ADCY1: variants seen among roughly 807,000 people sequenced by gnomAD.
ADCY1 encodes the protein adenylate cyclase type 1.
ADCY1 carries 28 observed loss-of-function variants against 105.4 expected under a neutral mutation model. That is an observed-to-expected ratio of 0.27 (90% CI 0.20 to 0.36). The LOEUF (loss-of-function observed/expected upper bound fraction) is 0.36, where lower values mean the gene tolerates loss of function less well. Among genes scored for constraint, ADCY1 ranks in the 10% least tolerant of loss-of-function variants. The pLI, the probability that ADCY1 is intolerant of heterozygous loss-of-function variation, is 1.00. For synonymous variants in ADCY1, 655 were observed against 623.8 expected, an observed-to-expected ratio of 1.05 and a Z score of -0.75; for missense variants, 977 against 1,434.2, an observed-to-expected ratio of 0.68 and a Z score of 5.15.
intron 14 of ADCY1, among the ~76,000 whole-genome samples, chr7:45,687,754 C>A (rs1784712832): frequency 6.6e-6 from 1 of 152,198 alleles, no homozygotes; most frequent in African/African-American, 2.4e-5. Context: ...AAGTAACATG[C>A]CAGAGTCGGG....
chr7:45,653,648 G>C (rs1794867309), intron 5 of ADCY1, among the ~76,000 whole-genome samples: 1 of 152,168 alleles, frequency 6.6e-6, no homozygotes, highest in African/African-American at 2.4e-5. Context: ...ACCCCTCCCT[G>C]GGGCCTGGCT....
At chr7:45,695,849 C>A (rs1784870464) in intron 14 of ADCY1, among the ~76,000 whole-genome samples, 1 of 152,230 alleles carries the variant, frequency 6.6e-6, no homozygotes, top group African/African-American at 2.4e-5. Context: ...CAGGCCCTAA[C>A]TTGAGCACAG....
At position 45,719,650 on chromosome 7, in the gene ADCY1, C is replaced by T. The variant is rs915785074; in HGVS notation, c.*5655C>T. ...TGTGTGCCTGCATTACATGTGTGAA[C>T]ACGTGTTTCTGTCGTGTGTGTCATG... On this transcript the variant is annotated 3_prime_UTR_variant, in exon 20 of 20. Transcript: ENST00000297323. The T allele has an allele frequency of 1.3e-5, 2 of 152,216 alleles. No individual in the cohort carries two copies. The highest frequency in any genetic ancestry group is 4.8e-5 in the African/African-American group (2 of 41,456). 9.4% of individuals were successfully genotyped at this position (152,216 alleles called of 1,614,324 possible).
rs2115672940 is a variant in ADCY1 at position 45,574,527 on chromosome 7, C to T, written c.-17C>T. 1 of 976,574 alleles carries T rather than the reference C, an allele frequency of 1.0e-6. No individual in the cohort carries two copies. Among genetic ancestry groups the T allele is most frequent in the East Asian group, 1.2e-4 (1 of 8,398 alleles). 60.5% of individuals were successfully genotyped at this position (976,574 alleles called of 1,614,324 possible). A position where few individuals can be genotyped will look rare whatever the true frequency, so the allele number is the denominator to read the frequency against. ...CGAGGGGCGCGCCCGCGGCCGCGGC[C>T]GCTGCATGGCGCTGAGATGGCGGGG... On this transcript the variant is annotated 5_prime_UTR_variant, in exon 1 of 20. Coordinates refer to ENST00000297323, the MANE Select transcript of ADCY1 (RefSeq NM_021116.4). This position sits in a 1 kb window ranked among gnomAD's most constrained non-coding sequence, Gnocchi z 7.0.
At position 45,598,281 on chromosome 7, in the gene ADCY1, C is replaced by G. The variant is rs560386885; in HGVS notation, c.789+5373C>G. ...TCCAAGGGAACCACATGGCTGTTTC[C>G]TCCTTTCGTGGCCACAGATCTCCTC... On this transcript the variant is annotated intron_variant, in intron 2 of 19. Transcript: ENST00000297323. Among the ~76,000 whole-genome samples the G allele has an allele frequency of 4.3e-4, 65 of 152,324 alleles. 1 individual carries two copies. Among genetic ancestry groups the G allele is most frequent in the African/African-American group, 1.6e-3 (65 of 41,568 alleles).
Position 45,588,769 on chromosome 7 carries a change from G to A in ADCY1, c.640-3990G>A, listed in dbSNP as rs73318952. ...GTCTGGCTGAGTTAATCTGGCCCAT[G>A]AAGATTTCTTCAGGGTGTTTCCAGG... On this transcript the variant is annotated intron_variant, in intron 1 of 19. Transcript: ENST00000297323. 9.7e-3 allele frequency among the ~76,000 whole-genome samples: 1,481 copies of A among 152,256 alleles called. 27 individuals carry two copies. The highest frequency in any genetic ancestry group is 0.034 in the African/African-American group (1,429 of 41,532).
chr7:45,698,647 C>A (rs1784931870), intron 14 of ADCY1, among the ~76,000 whole-genome samples: 1 of 152,210 alleles, frequency 6.6e-6, no homozygotes, highest in South Asian at 2.1e-4. Flanking sequence ...CTGCACCACA[C>A]TCAGCCTGCC....
chr7:45,595,999 C>T (rs1180263397), intron 2 of ADCY1, among the ~76,000 whole-genome samples: 1 of 152,236 alleles, frequency 6.6e-6, no homozygotes, highest in Admixed American at 6.5e-5. Flanking sequence ...CAGAGGGGAG[C>T]ACTTGGGGCC....
At chr7:45,610,758 G>A (rs1758862409) in intron 3 of ADCY1, among the ~76,000 whole-genome samples, 1 of 98,298 alleles carries the variant, frequency 1.0e-5, no homozygotes, top group Non-Finnish European at 2.2e-5. Context: ...TGATGGAGGT[G>A]TAGAGGTGAT....
In ADCY1 at chr7:45,716,755, G is replaced by A. The variant is rs779218216; in HGVS notation, c.*2760G>A. 4 of 152,406 alleles carry A rather than the reference G, an allele frequency of 2.6e-5. No individual in the cohort carries two copies. Among genetic ancestry groups the A allele is most frequent in the Non-Finnish European group, 5.9e-5 (4 of 68,168 alleles). The allele number at this position is 152,406 out of a possible 1,614,324, so 9.4% of individuals were successfully genotyped here. A position where few individuals can be genotyped will look rare whatever the true frequency, so the allele number is the denominator to read the frequency against. On this transcript the variant is annotated 3_prime_UTR_variant, in exon 20 of 20. Coordinates refer to ENST00000297323, the MANE Select transcript of ADCY1 (RefSeq NM_021116.4). Reference sequence around the variant, plus strand: ...AGGGGACTTTGCAGGTGGAATTAGGGTTAGGGATCTAAGGATGGGAGGGGA... The same window carrying A: ...AGGGGACTTTGCAGGTGGAATTAGGATTAGGGATCTAAGGATGGGAGGGGA...
intron 3 of ADCY1, among the ~76,000 whole-genome samples, chr7:45,618,309 G>A (rs1270458148): frequency 6.6e-6 from 1 of 152,198 alleles, no homozygotes; most frequent in Non-Finnish European, 1.5e-5. Flanking sequence ...TCTGGATATT[G>A]GTCTGGGCAG....
At chr7:45,607,956 C>T (rs1434133963) in intron 2 of ADCY1, among the ~76,000 whole-genome samples, 1 of 152,186 alleles carries the variant, frequency 6.6e-6, no homozygotes, top group Non-Finnish European at 1.5e-5. Flanking sequence ...GATATGTACC[C>T]AGTAATGGGA....
At chr7:45,598,776 C>T (rs572059032) in intron 2 of ADCY1, among the ~76,000 whole-genome samples, 19 of 152,292 alleles carry the variant, frequency 1.2e-4, no homozygotes, top group African/African-American at 3.6e-4. Context: ...AAGGAAAACG[C>T]GATTGCAATT....
chr7:45,685,098 G>C, intron 12 of ADCY1, 30 bp downstream of exon 12: 1 of 1,589,250 alleles, frequency 6.3e-7, no homozygotes, highest in Non-Finnish European at 8.6e-7. Flanking sequence ...GGCATGCGCT[G>C]GGGCGGGAGA....
Position 45,600,382 on chromosome 7 carries a change from C to A in ADCY1, c.789+7474C>A, listed in dbSNP as rs368959580. ...CCCACTGGCCTTTCCTGGAAGAGCC[C>A]GAGGAGCAGAGCCACAAGTCAGGGA... is the stretch of plus-strand genomic sequence containing the variant. On this transcript the variant is annotated intron_variant, in intron 2 of 19. Transcript: ENST00000297323. Among the ~76,000 whole-genome samples, 9 of 152,242 alleles carry A rather than the reference C, an allele frequency of 5.9e-5. No individual in the cohort carries two copies. The East Asian group carries it at 1.3e-3, about 23-fold the overall frequency.
At chr7:45,681,834 G>T (rs1784561986) in intron 11 of ADCY1, among the ~76,000 whole-genome samples, 1 of 152,156 alleles carries the variant, frequency 6.6e-6, no homozygotes, top group Non-Finnish European at 1.5e-5. Flanking sequence ...GGACGCGGTG[G>T]GTCATGCAGA....
intron 3 of ADCY1, 131 bp downstream of exon 3, chr7:45,610,628 G>A (rs1272229594): frequency 1.3e-6 from 1 of 786,814 alleles, no homozygotes; most frequent in Non-Finnish European, 2.2e-6. Flanking sequence ...TGGGGGTGTG[G>A]AGGTAATGGT....
chr7:45,710,674 T>G lies in ADCY1; in HGVS notation c.3057+22T>G, dbSNP rs1293676340. 1 of 1,602,890 alleles carries G rather than the reference T, an allele frequency of 6.2e-7. No homozygotes were observed. The highest frequency in any genetic ancestry group is 1.7e-5 in the Admixed American group (1 of 58,434). ...CCAGGTCAGTTCACCAAGAAACCCC[T>G]AAGGCATGGGTGCCCATTCTTCAGG... On this transcript the variant is annotated intron_variant, in intron 19 of 19. Transcript: ENST00000297323. This position sits in a 1 kb window ranked among gnomAD's most constrained non-coding sequence, Gnocchi z 4.7.
intron 8 of ADCY1, among the ~76,000 whole-genome samples, chr7:45,662,583 C>G (rs1309830267): frequency 6.6e-6 from 1 of 152,150 alleles, no homozygotes; most frequent in Non-Finnish European, 1.5e-5. Flanking sequence ...CCCTACCCAC[C>G]TGTCATCCTT....
Sources: gnomAD v4.1 joint callset for allele counts (sites outside exome capture counted in the v4.1 genomes callset) on GRCh38, gnomAD v4.1.1 for gene constraint, Gnocchi (gnomAD v3.1) non-coding constraint, MANE v1.5 for transcripts, NCBI Gene and HGNC (gene_info 2026-07-23, HGNC 2026-07-21) for gene names.